BAALC: variants seen among roughly 807,000 people sequenced by gnomAD.
BAALC encodes the protein brain and acute leukemia cytoplasmic protein.
BAALC carries 9 observed loss-of-function variants against 15.5 expected under a neutral mutation model. The observed-to-expected ratio is 0.58, with a 90% confidence interval of 0.35 to 1.02. BAALC has a LOEUF of 1.02. BAALC is among the 50% of genes least tolerant of loss of function. The pLI is 0.02. For missense variants in BAALC, 201 were observed against 192.4 expected (o/e 1.04, Z -0.27); for synonymous variants, 80 against 74.6 (o/e 1.07, Z -0.37).
chr8:103,183,174 GC>G (rs1459605964), intron 1 of BAALC, among the ~76,000 whole-genome samples: 1 of 152,184 alleles, frequency 6.6e-6, no homozygotes, highest in African/African-American at 2.4e-5. Flanking sequence ...TGCCATTTCA[GC>G]CTTTGTCATA....
chr8:103,224,713 T>C (rs1030871870), intron 2 of BAALC, among the ~76,000 whole-genome samples: 2 of 152,128 alleles, frequency 1.3e-5, no homozygotes, highest in Non-Finnish European at 2.9e-5. Flanking sequence ...GGAAAGGGGA[T>C]TCTCTATAGA....
intron 1 of BAALC, among the ~76,000 whole-genome samples, chr8:103,148,448 T>C (rs1416732037): frequency 6.6e-6 from 1 of 152,206 alleles, no homozygotes; most frequent in Non-Finnish European, 1.5e-5. Context: ...GATGTTTTGA[T>C]ACAGGCATGC....
At chr8:103,197,688 A>G (rs868333962) in intron 1 of BAALC, among the ~76,000 whole-genome samples, 17 of 152,282 alleles carry the variant, frequency 1.1e-4, no homozygotes, top group African/African-American at 3.1e-4. Flanking sequence ...AGGCCTTAGA[A>G]GTTTACAATC....
chr8:103,152,532 C>A (rs1407333801), intron 1 of BAALC, among the ~76,000 whole-genome samples: 2 of 152,186 alleles, frequency 1.3e-5, no homozygotes, highest in East Asian at 3.8e-4. Flanking sequence ...CTGTTTATTT[C>A]TTGACTCTCT....
At chr8:103,220,180 A>C (rs1178339766) in intron 2 of BAALC, among the ~76,000 whole-genome samples, 2 of 152,172 alleles carry the variant, frequency 1.3e-5, no homozygotes, top group Admixed American at 1.3e-4. Flanking sequence ...GAGTTGTGAG[A>C]GGTGGGATAT....
At chr8:103,143,995 C>A (rs1810834796) in intron 1 of BAALC, among the ~76,000 whole-genome samples, 1 of 152,202 alleles carries the variant, frequency 6.6e-6, no homozygotes, top group South Asian at 2.1e-4. Context: ...CATTCAAACA[C>A]CTGGCCCAAC....
At chr8:103,220,022 G>C (rs773804357) in intron 2 of BAALC, among the ~76,000 whole-genome samples, 8 of 152,156 alleles carry the variant, frequency 5.3e-5, no homozygotes, top group Non-Finnish European at 7.3e-5. Context: ...CAGAGGCTCA[G>C]AAACTAGATA....
At chr8:103,200,146 T>C (rs758346637) in intron 1 of BAALC, among the ~76,000 whole-genome samples, 1 of 152,132 alleles carries the variant, frequency 6.6e-6, no homozygotes, top group Non-Finnish European at 1.5e-5. Flanking sequence ...TATAATACAA[T>C]GAGATACCAT....
At chr8:103,161,905 C>G (rs1811233317) in intron 1 of BAALC, among the ~76,000 whole-genome samples, 1 of 152,042 alleles carries the variant, frequency 6.6e-6, no homozygotes, top group Non-Finnish European at 1.5e-5. Context: ...GGAAAAACTG[C>G]CATTTCTGCC....
At chr8:103,203,959 T>G (rs1812275762) in intron 1 of BAALC, among the ~76,000 whole-genome samples, 1 of 152,228 alleles carries the variant, frequency 6.6e-6, no homozygotes, top group Non-Finnish European at 1.5e-5. Flanking sequence ...TACAGGAATT[T>G]CTGGGTTATG....
chr8:103,182,790 A>C (rs144622201), intron 1 of BAALC, among the ~76,000 whole-genome samples: 1 of 152,326 alleles, frequency 6.6e-6, no homozygotes, highest in Non-Finnish European at 1.5e-5. Flanking sequence ...AGAATGACCT[A>C]CCAGGCTGCT....
chr8:103,159,462 T>C (rs1811173407), intron 1 of BAALC, among the ~76,000 whole-genome samples: 1 of 152,220 alleles, frequency 6.6e-6, no homozygotes, highest in South Asian at 2.1e-4. Context: ...TCTGAGTAAA[T>C]GCCAAATGTT....
At chr8:103,153,071 T>C (rs1811017631) in intron 1 of BAALC, 1 of 152,244 alleles carries the variant, frequency 6.6e-6, no homozygotes, top group African/African-American at 2.4e-5. Context: ...TTACCCTATA[T>C]TGACCAGGCA....
chr8:103,143,373 T>C (rs1381696091), intron 1 of BAALC, among the ~76,000 whole-genome samples: 1 of 152,086 alleles, frequency 6.6e-6, no homozygotes, highest in Non-Finnish European at 1.5e-5. Flanking sequence ...AGTGGCTGCG[T>C]TGTGATAGGA....
At chr8:103,188,252 T>C (rs539286797) in intron 1 of BAALC, among the ~76,000 whole-genome samples, 2 of 152,238 alleles carry the variant, frequency 1.3e-5, no homozygotes, top group South Asian at 4.2e-4. Context: ...TCAAGTCCAA[T>C]GGATAGAGCC....
intron 1 of BAALC, among the ~76,000 whole-genome samples, chr8:103,157,414 C>T (rs552426179): frequency 2.2e-4 from 33 of 152,144 alleles, no homozygotes; most frequent in Non-Finnish European, 7.4e-5. Flanking sequence ...TGCCTCCATT[C>T]CCCTTCATCA....
chr8:103,225,115 G>A (rs570329269), intron 2 of BAALC, among the ~76,000 whole-genome samples: 4 of 152,326 alleles, frequency 2.6e-5, no homozygotes, highest in Non-Finnish European at 4.4e-5. Context: ...CCTAGTGCCA[G>A]TTCAGGCTCA....
chr8:103,208,891 G>A (rs996200), intron 1 of BAALC, among the ~76,000 whole-genome samples: 139,942 of 152,104 alleles, frequency 0.92, 64,426 homozygotes, highest in African/African-American at 0.95. Flanking sequence ...CAACCCCCAG[G>A]AGGACCTGGC....
chr8:103,227,379 C>T (rs1488315428), intron 2 of BAALC, among the ~76,000 whole-genome samples: 2 of 152,184 alleles, frequency 1.3e-5, no homozygotes, highest in African/African-American at 4.8e-5. Flanking sequence ...AGATAGAAGG[C>T]CACATACCTT....
Sources: allele counts gnomAD v4.1 joint callset (sites outside exome capture counted in the v4.1 genomes callset), GRCh38; gene constraint gnomAD v4.1.1; transcripts MANE v1.5; gene names NCBI Gene and HGNC (gene_info 2026-07-23, HGNC 2026-07-21).